The following IPO7 variants were observed in gnomAD, a reference collection of about 807,000 sequenced individuals.
IPO7 encodes the protein importin-7.
In IPO7, 13 loss-of-function variants were observed where a neutral mutation model predicts 136.4. That is an observed-to-expected ratio of 0.10 (90% CI 0.06 to 0.15). The LOEUF (loss-of-function observed/expected upper bound fraction) is 0.15, where lower values mean the gene tolerates loss of function less well. Among genes scored for constraint, IPO7 ranks in the 10% least tolerant of loss-of-function variants. IPO7 has a pLI of 1.00. For missense variants in IPO7, 857 were observed against 1,240.6 expected (o/e 0.69, Z 4.65); for synonymous variants, 403 against 404.4 (o/e 1.00, Z 0.04).
intron 2 of IPO7, among the ~76,000 whole-genome samples, chr11:9,407,124 A>G (rs1854899826): frequency 6.6e-6 from 1 of 152,216 alleles, no homozygotes; most frequent in Non-Finnish European, 1.5e-5. Context: ...GAATGGAAGT[A>G]TTCAGAGGTT....
At chr11:9,388,638 C>G (rs1222304278) in intron 1 of IPO7, among the ~76,000 whole-genome samples, 2 of 151,620 alleles carry the variant, frequency 1.3e-5, no homozygotes, top group East Asian at 3.9e-4. Context: ...GCCACTATGC[C>G]CAATTAATTT....
At chr11:9,402,426 A>G (rs1262567240) in intron 1 of IPO7, among the ~76,000 whole-genome samples, 3 of 134,644 alleles carry the variant, frequency 2.2e-5, no homozygotes, top group East Asian at 4.1e-4. Flanking sequence ...AAAAAAAAAA[A>G]AGAATGCTAG....
intron 23 of IPO7, among the ~76,000 whole-genome samples, chr11:9,441,812 A>G (rs1482293989): frequency 6.6e-6 from 1 of 152,234 alleles, no homozygotes; most frequent in Non-Finnish European, 1.5e-5. Flanking sequence ...TTACTATATA[A>G]GAACTAGTTA....
intron 9 of IPO7, among the ~76,000 whole-genome samples, 159 bp downstream of exon 9, chr11:9,423,299 A>G (rs976056851): frequency 1.3e-5 from 2 of 152,222 alleles, no homozygotes; most frequent in Non-Finnish European, 2.9e-5. Context: ...TAAGACAGTG[A>G]CATAAAGTTA....
At chr11:9,410,344 T>C (rs1365321914) in intron 4 of IPO7, among the ~76,000 whole-genome samples, 1 of 152,250 alleles carries the variant, frequency 6.6e-6, no homozygotes, top group East Asian at 1.9e-4. Context: ...AAGTTGTCTC[T>C]AAAGACGGCC....
intron 16 of IPO7, 189 bp from the exon 17 acceptor site, chr11:9,433,381 T>C: frequency 3.7e-6 from 2 of 545,474 alleles, no homozygotes; most frequent in South Asian, 5.4e-5. Context: ...TTTTTCTCAT[T>C]GTAATGGTAT....
At chr11:9,419,321 G>A (rs75627630) in intron 6 of IPO7, among the ~76,000 whole-genome samples, 3 of 151,392 alleles carry the variant, frequency 2.0e-5, no homozygotes, top group Non-Finnish European at 2.9e-5. Flanking sequence ...AGGCTGAGGC[G>A]GGCGGATCAC....
At chr11:9,398,375 A>T (rs556176892) in intron 1 of IPO7, among the ~76,000 whole-genome samples, 5 of 152,344 alleles carry the variant, frequency 3.3e-5, no homozygotes, top group Non-Finnish European at 7.3e-5. Context: ...ATGAAGAAAA[A>T]TAATGGTTAT....
In IPO7 at chr11:9,417,060, A is replaced by G. The variant is rs199699467; in HGVS notation, c.638A>G (p.Tyr213Cys). ...IFKIFYALVQ[Y>C]TLPLELINQQ... ...TATTAATTCTTGACTTTTATTTAGT[A>G]TACACTACCACTGGAACTGATAAAC... The change falls in exon 6 of 25, where the codon TAT becomes TGT. Residue 213 changes from tyrosine (Y) to cysteine (C), a missense_variant and splice_region_variant. By Grantham distance (194) the Tyr-to-Cys change is radical. Transcript: ENST00000379719. 9 of 1,436,328 alleles carry G rather than the reference A, an allele frequency of 6.3e-6. No individual in the cohort carries two copies. Among genetic ancestry groups the G allele is most frequent in the South Asian group, 2.4e-5 (2 of 83,982 alleles). The allele number at this position is 1,436,328 out of a possible 1,614,324, so 89.0% of individuals were successfully genotyped here. A position where few individuals can be genotyped will look rare whatever the true frequency, so the allele number is the denominator to read the frequency against.
At chr11:9,428,695 T>C (rs1226087560) in intron 13 of IPO7, 66 bp downstream of exon 13, 1 of 890,974 alleles carries the variant, frequency 1.1e-6, no homozygotes, top group African/African-American at 1.6e-5. Flanking sequence ...TGGACTTTTA[T>C]ATTGAAACTT....
At chr11:9,425,432 C>T in intron 12 of IPO7, 170 bp downstream of exon 12, 2 of 589,460 alleles carry the variant, frequency 3.4e-6, no homozygotes, top group Non-Finnish European at 6.0e-6. Flanking sequence ...CATAGTGATA[C>T]CCCCATCTCT....
intron 6 of IPO7, among the ~76,000 whole-genome samples, chr11:9,419,559 A>T (rs11042342): frequency 0.017 from 2,002 of 116,722 alleles, 30 homozygotes; most frequent in African/African-American, 0.031. Flanking sequence ...AAAAAAAAAA[A>T]ATATATATAT....
At chr11:9,412,774 G>T (rs1458843999) in intron 4 of IPO7, among the ~76,000 whole-genome samples, 1 of 151,760 alleles carries the variant, frequency 6.6e-6, no homozygotes, top group Non-Finnish European at 1.5e-5. Context: ...TGAGGCTTCA[G>T]TGAGCCATGA....
chr11:9,408,704 GTTTTTTTTT>G (rs377057603), intron 3 of IPO7, 65 bp downstream of exon 3: 8 of 173,320 alleles, frequency 4.6e-5, no homozygotes, highest in East Asian at 1.8e-4. Context: ...TTGTTTTTTG[GTTTTTTTTT>G]TTTTTTTTTT....
rs369839482 is a variant in IPO7 at position 9,440,670 on chromosome 11, A to G, written c.2902+9A>G. 3.2e-5 allele frequency: 50 copies of G among 1,571,474 alleles called. No homozygotes were observed. The highest frequency in any genetic ancestry group is 1.7e-4 in the Middle Eastern group (1 of 5,988). ...TAAAGCTATCTTTCAAAGTAAGTCAACTTGTTACATGTGGATCCATTTCAT... is the reference window on the plus strand; with the variant it reads ...TAAAGCTATCTTTCAAAGTAAGTCAGCTTGTTACATGTGGATCCATTTCAT... On this transcript the variant is annotated intron_variant, in intron 23 of 24. Coordinates refer to ENST00000379719, the MANE Select transcript of IPO7 (RefSeq NM_006391.3).
intron 16 of IPO7, among the ~76,000 whole-genome samples, chr11:9,431,989 G>C (rs192401712): frequency 6.6e-6 from 1 of 152,042 alleles, no homozygotes; most frequent in African/African-American, 2.4e-5. Context: ...AAGAAAGAAA[G>C]AAAGAAAAAA....
intron 2 of IPO7, among the ~76,000 whole-genome samples, chr11:9,405,262 C>T (rs1397625912): frequency 1.3e-5 from 2 of 152,114 alleles, no homozygotes; most frequent in Non-Finnish European, 2.9e-5. Flanking sequence ...GCAAGCTCCG[C>T]CTCCCAGGTT....
chr11:9,420,294 CAAA>C (rs34703286), intron 6 of IPO7, 114 bp from the exon 7 acceptor site: 5 of 515,486 alleles, frequency 9.7e-6, no homozygotes, highest in African/African-American at 2.1e-5. Flanking sequence ...GACTCCATCT[CAAA>C]AAAAAAAAGG....
intron 1 of IPO7, among the ~76,000 whole-genome samples, chr11:9,398,158 G>A (rs1374977914): frequency 6.6e-6 from 1 of 152,140 alleles, no homozygotes; most frequent in African/African-American, 2.4e-5. Context: ...CTGCCCCTAG[G>A]CAATCACATC....
Sources: gnomAD v4.1 joint callset for allele counts (sites outside exome capture counted in the v4.1 genomes callset) on GRCh38, gnomAD v4.1.1 for gene constraint, MANE v1.5 for transcripts, NCBI Gene and HGNC (gene_info 2026-07-23, HGNC 2026-07-21) for gene names.